Variants in PTPRS observed in about 807,000 individuals in gnomAD.
The protein encoded by PTPRS is receptor-type tyrosine-protein phosphatase S.
PTPRS carries 63 observed loss-of-function variants against 215.3 expected under a neutral mutation model. The ratio of observed to expected loss-of-function variants is 0.29; its 90% confidence interval spans 0.24 to 0.36. PTPRS has a LOEUF of 0.36. Among genes scored for constraint, PTPRS ranks in the 10% least tolerant of loss-of-function variants. The pLI is 1.00. For synonymous variants in PTPRS, 1,404 were observed against 1,191.4 expected, an observed-to-expected ratio of 1.18 and a Z score of -3.68; for missense variants, 2,258 against 2,825.8, an observed-to-expected ratio of 0.80 and a Z score of 4.56.
At chr19:5,214,230 G>C in intron 30 of PTPRS, 131 bp downstream of exon 30, 4 of 1,314,700 alleles carry the variant, frequency 3.0e-6, no homozygotes, top group South Asian at 1.4e-5. Flanking sequence ...TGAGAATGTA[G>C]TCAGCCTGGG....
At chr19:5,259,108 A>T (rs1217502730) in intron 7 of PTPRS, among the ~76,000 whole-genome samples, 1 of 152,230 alleles carries the variant, frequency 6.6e-6, no homozygotes, top group Admixed American at 6.5e-5. Flanking sequence ...AGTTGAGGCT[A>T]AAATGCCCCA....
In PTPRS at chr19:5,214,487, C is replaced by G. The variant is rs372866346; in HGVS notation, c.4495-7G>C. 1.9e-6 allele frequency: 3 copies of G among 1,613,934 alleles called. No homozygotes were observed. Among genetic ancestry groups the G allele is most frequent in the Non-Finnish European group, 2.5e-6 (3 of 1,180,016 alleles). On this transcript the variant is annotated splice_polypyrimidine_tract_variant and splice_region_variant and intron_variant, in intron 29 of 37. Transcript: ENST00000262963. The stretch of plus-strand genomic sequence containing the variant: ...AATACTGATCACACTTGATCTGTAT[C>G]GGGCAAGAGAACAGGTGTCAGCAGG...
At chr19:5,209,328 C>T (rs991614911) in intron 35 of PTPRS, among the ~76,000 whole-genome samples, 12 of 152,282 alleles carry the variant, frequency 7.9e-5, no homozygotes, top group South Asian at 2.1e-4. Flanking sequence ...CACCATCCAT[C>T]ACTAACAATT....
chr19:5,315,351 GTTTTTT>G (rs952833168), intron 1 of PTPRS, among the ~76,000 whole-genome samples: 1 of 79,802 alleles, frequency 1.3e-5, no homozygotes, highest in South Asian at 4.6e-4. Flanking sequence ...TTTGAAAAGG[GTTTTTT>G]TTTTTTTTTT....
chr19:5,239,133 A>T lies in PTPRS; in HGVS notation c.1705-70T>A. ...AGAGAGAGACAGAAACAAAGGGGAG[A>T]GAGAGAGAGACAGAAACAGAGGGGG... On this transcript the variant is annotated intron_variant, in intron 12 of 37. Coordinates refer to ENST00000262963, the MANE Select transcript of PTPRS (RefSeq NM_002850.4). 7 of 1,160,342 alleles carry T rather than the reference A, an allele frequency of 6.0e-6. No homozygotes were observed. The South Asian group carries it at 6.7e-5, about 11-fold the overall frequency. 71.9% of individuals were successfully genotyped at this position (1,160,342 alleles called of 1,614,324 possible).
intron 4 of PTPRS, among the ~76,000 whole-genome samples, chr19:5,271,810 C>T (rs1284788649): frequency 3.9e-5 from 6 of 151,948 alleles, no homozygotes; most frequent in African/African-American, 9.7e-5. Flanking sequence ...CTGCAACCTC[C>T]GCCTCTTGGG....
rs907043527 is a variant in PTPRS, at chr19:5,265,107, C to T, written c.469G>A (p.Ala157Thr). 2 of 1,614,196 alleles carry T rather than the reference C, an allele frequency of 1.2e-6. No homozygotes were observed. Among genetic ancestry groups the T allele is most frequent in the Non-Finnish European group, 1.7e-6 (2 of 1,180,032 alleles). Reference sequence around the variant, plus strand: ...TCAGGGTCAGGGTTGCCGCTGGCTGCACAGAGCATGGTGGCTGTCCGTGTC... The same window carrying T: ...TCAGGGTCAGGGTTGCCGCTGGCTGTACAGAGCATGGTGGCTGTCCGTGTC... Reference protein sequence around the residue: ...ERTRTATMLCAASGNPDPEIT... With the variant: ...ERTRTATMLCTASGNPDPEIT... The change falls in exon 5 of 38, where the codon GCA (alanine) becomes ACA (threonine). Residue 157 changes from alanine to threonine, a missense_variant. Ala to Thr is a moderately conservative substitution (Grantham distance 58). Coordinates refer to ENST00000262963, the MANE Select transcript of PTPRS (RefSeq NM_002850.4).
chr19:5,208,670 T>C (rs1568358028), intron 35 of PTPRS, among the ~76,000 whole-genome samples: 1 of 152,060 alleles, frequency 6.6e-6, no homozygotes, highest in Non-Finnish European at 1.5e-5. Context: ...TTGTACACTC[T>C]CTGCCATTCA....
rs758882674 is a variant in PTPRS, at chr19:5,222,229, G to A, written c.3104-9C>T. The A allele has an allele frequency of 2.5e-6, 4 of 1,609,260 alleles. No homozygotes were observed. Among genetic ancestry groups the A allele is most frequent in the Non-Finnish European group, 3.4e-6 (4 of 1,176,318 alleles). ...GAAGTTCTTGGGCGAGACTGCCGGG[G>A]AGGCGGCCGAGCAGGGAGAGAGCAG... On this transcript the variant is annotated splice_polypyrimidine_tract_variant and intron_variant, in intron 18 of 37. Transcript: ENST00000262963.
chr19:5,306,936 C>G (rs551482299), intron 1 of PTPRS, among the ~76,000 whole-genome samples: 1 of 152,174 alleles, frequency 6.6e-6, no homozygotes, highest in Non-Finnish European at 1.5e-5. Context: ...TGAAATGACA[C>G]GTGGAGAAAG....
At position 5,257,185 on chromosome 19, in the gene PTPRS, C is replaced by A. The variant is rs140574720; in HGVS notation, c.706+832G>T. 8.6e-3 allele frequency among the ~76,000 whole-genome samples: 1,305 copies of A among 151,112 alleles called. 14 individuals are homozygous for A. The highest frequency in any genetic ancestry group is 0.014 in the South Asian group (68 of 4,718). ...ACGGAGGCATCTGGGGGCAAGGGAG[C>A]CCCCTGGCACCTTTGAGGCAGCACC... On this transcript the variant is annotated intron_variant, in intron 8 of 37. Transcript: ENST00000262963. This position sits in a 1 kb window ranked among gnomAD's most constrained non-coding sequence, Gnocchi z 4.4.
At chr19:5,217,364 CTGAAA>C (rs1267677553) in intron 25 of PTPRS, among the ~76,000 whole-genome samples, 1 of 152,034 alleles carries the variant, frequency 6.6e-6, no homozygotes, top group African/African-American at 2.4e-5. Flanking sequence ...TCTCATTTGG[CTGAAA>C]AACCAAAGCA....
intron 31 of PTPRS, 35 bp downstream of exon 31, chr19:5,212,302 G>A (rs778557347): frequency 3.1e-6 from 5 of 1,609,878 alleles, no homozygotes; most frequent in Non-Finnish European, 4.2e-6. Context: ...CGGGGACCGG[G>A]GGGAAGCGGA....
intron 4 of PTPRS, among the ~76,000 whole-genome samples, chr19:5,269,921 C>CAAAAAAAAA: frequency 1.2e-5 from 1 of 82,628 alleles, no homozygotes; most frequent in Non-Finnish European, 2.3e-5. Flanking sequence ...AACTCCATCT[C>CAAAAAAAAA]AAAAAAAAAA....
rs150576518 is a variant in PTPRS at position 5,220,186 on chromosome 19, C to T, written c.3550-32G>A. ...GAACAGAGTCATGGGTGGCTCAGAG[C>T]TCAGCTGGGAGCAACAGAGCACGTG... On this transcript the variant is annotated intron_variant, in intron 21 of 37. Coordinates refer to ENST00000262963, the MANE Select transcript of PTPRS (RefSeq NM_002850.4). 2.6e-4 allele frequency: 412 copies of T among 1,609,038 alleles called. No individual in the cohort carries two copies. The African/African-American group carries it at 5.0e-3, about 19-fold the overall frequency.
chr19:5,265,314 T>G, intron 4 of PTPRS, 118 bp from the exon 5 acceptor site: 1 of 901,816 alleles, frequency 1.1e-6, no homozygotes, highest in Non-Finnish European at 1.7e-6. Context: ...CTGCGTGACC[T>G]CAGCCATGGG....
At chr19:5,221,645 G>C (rs575310964) in intron 19 of PTPRS, among the ~76,000 whole-genome samples, 1 of 152,116 alleles carries the variant, frequency 6.6e-6, no homozygotes, top group East Asian at 1.9e-4. Flanking sequence ...CCTGATCCTA[G>C]ACTGATTCCT....
intron 2 of PTPRS, among the ~76,000 whole-genome samples, chr19:5,284,215 C>T (rs2048126216): frequency 1.3e-5 from 2 of 151,532 alleles, no homozygotes; most frequent in Admixed American, 6.6e-5. Flanking sequence ...AAAAAATTAG[C>T]CGGGTGTGGT....
intron 1 of PTPRS, among the ~76,000 whole-genome samples, chr19:5,330,474 A>T (rs1371171107): frequency 6.6e-6 from 1 of 152,212 alleles, no homozygotes; most frequent in African/African-American, 2.4e-5. Context: ...CCTCTGTTGC[A>T]GCTGTTTGGA....
Sources: allele counts gnomAD v4.1 joint callset (sites outside exome capture counted in the v4.1 genomes callset), GRCh38; gene constraint gnomAD v4.1.1; non-coding constraint Gnocchi (gnomAD v3.1); transcripts MANE v1.5; gene names NCBI Gene and HGNC (gene_info 2026-07-23, HGNC 2026-07-21).